The following SLC35F1 variants were observed in gnomAD, a reference collection of about 807,000 sequenced individuals.
The protein encoded by SLC35F1 is solute carrier family 35 member F1, also known as chromosome 6 open reading frame 169.
A neutral mutation model predicts 48.7 loss-of-function variants in SLC35F1; 14 were observed. The observed-to-expected ratio is 0.29, with a 90% CI of 0.19 to 0.45. SLC35F1 has a LOEUF of 0.45. Among genes scored for constraint, SLC35F1 ranks in the 20% least tolerant of loss-of-function variants. SLC35F1 has a pLI of 1.00. For synonymous variants in SLC35F1, 190 were observed against 202.2 expected (o/e 0.94, Z 0.51); for missense variants, 404 against 500.0 (o/e 0.81, Z 1.83).
intron 1 of SLC35F1, among the ~76,000 whole-genome samples, chr6:118,056,802 C>G (rs747349763): frequency 3.9e-5 from 6 of 152,040 alleles, no homozygotes; most frequent in Non-Finnish European, 7.4e-5. Context: ...AATTAATGCC[C>G]CAGGGTAGTA....
chr6:117,956,743 G>C (rs1431639909), intron 1 of SLC35F1, among the ~76,000 whole-genome samples: 1 of 152,208 alleles, frequency 6.6e-6, no homozygotes, highest in Non-Finnish European at 1.5e-5. Context: ...CCAAATGTCA[G>C]TAAGGCCCCT....
At chr6:117,939,328 G>GA (rs35129125) in intron 1 of SLC35F1, among the ~76,000 whole-genome samples, 1 of 152,152 alleles carries the variant, frequency 6.6e-6, no homozygotes, top group Non-Finnish European at 1.5e-5. Flanking sequence ...GTCATTTTGA[G>GA]AAAAAGCAGC....
At chr6:118,178,773 G>A (rs1490167128) in intron 2 of SLC35F1, among the ~76,000 whole-genome samples, 1 of 152,070 alleles carries the variant, frequency 6.6e-6, no homozygotes, top group Non-Finnish European at 1.5e-5. Context: ...GAGTGGGTTT[G>A]TGCACTAAAA....
chr6:118,160,727 C>T (rs1242469898), intron 2 of SLC35F1, among the ~76,000 whole-genome samples: 2 of 152,150 alleles, frequency 1.3e-5, no homozygotes, highest in Non-Finnish European at 2.9e-5. Flanking sequence ...TCCCCTTTCT[C>T]CACCCAGAAT....
chr6:118,278,773 G>A (rs993687115), intron 6 of SLC35F1, among the ~76,000 whole-genome samples: 2 of 152,210 alleles, frequency 1.3e-5, no homozygotes, highest in Non-Finnish European at 2.9e-5. Flanking sequence ...AAAACAAAAT[G>A]TTACCTGTGC....
At chr6:118,110,742 C>A (rs1208701007) in intron 1 of SLC35F1, among the ~76,000 whole-genome samples, 1 of 152,018 alleles carries the variant, frequency 6.6e-6, no homozygotes, top group East Asian at 1.9e-4. Flanking sequence ...TCTTTCTTAG[C>A]TTTAATACTC....
intron 1 of SLC35F1, among the ~76,000 whole-genome samples, chr6:118,103,824 T>C (rs973287070): frequency 1.1e-4 from 16 of 152,198 alleles, no homozygotes; most frequent in Admixed American, 5.2e-4. Context: ...GAAATGTTTT[T>C]TTTTCTGATC....
chr6:118,011,064 C>G (rs751521624), intron 1 of SLC35F1, among the ~76,000 whole-genome samples: 5 of 152,082 alleles, frequency 3.3e-5, no homozygotes, highest in Non-Finnish European at 7.4e-5. Context: ...TCCAATAGTA[C>G]AGTGGTCCCC....
chr6:118,148,878 G>A (rs1443445509), intron 1 of SLC35F1, among the ~76,000 whole-genome samples: 1 of 152,120 alleles, frequency 6.6e-6, no homozygotes, highest in African/African-American at 2.4e-5. Context: ...CTGGCAGATG[G>A]AATACAGTAA....
At chr6:118,161,099 G>C (rs59289305) in intron 2 of SLC35F1, among the ~76,000 whole-genome samples, 1 of 151,734 alleles carries the variant, frequency 6.6e-6, no homozygotes, top group Non-Finnish European at 1.5e-5. Context: ...AAGAAATAGA[G>C]AATTTCATGT....
rs557939417 is a variant in SLC35F1, at chr6:118,149,137, G to C, written c.174-5308G>C. 9.2e-5 allele frequency among the ~76,000 whole-genome samples: 14 copies of C among 152,232 alleles called. No individual in the cohort carries two copies. The South Asian group carries it at 2.9e-3, about 32-fold the overall frequency. Reference sequence around the variant, plus strand: ...AGGAGCTTATGAGCTACACAATATGGTGAGTGCCAATAGTGATAGGGAAAT... The same window carrying C: ...AGGAGCTTATGAGCTACACAATATGCTGAGTGCCAATAGTGATAGGGAAAT... On this transcript the variant is annotated intron_variant, in intron 1 of 7. Transcript: ENST00000360388.
At chr6:118,215,892 T>C (rs1775064994) in intron 2 of SLC35F1, among the ~76,000 whole-genome samples, 1 of 152,154 alleles carries the variant, frequency 6.6e-6, no homozygotes, top group Non-Finnish European at 1.5e-5. Flanking sequence ...CCATCACTCT[T>C]CTATCAAAGG....
chr6:118,029,638 G>C (rs117574334), intron 1 of SLC35F1, among the ~76,000 whole-genome samples: 2,538 of 152,250 alleles, frequency 0.017, 33 homozygotes, highest in South Asian at 0.043. Context: ...GGGGATTACT[G>C]TACAAGAGAA....
intron 2 of SLC35F1, among the ~76,000 whole-genome samples, chr6:118,216,090 T>TTTG (rs1562328194): frequency 5.1e-4 from 77 of 151,284 alleles, no homozygotes; most frequent in African/African-American, 1.7e-3. Flanking sequence ...TTTTTTGTTT[T>TTTG]TTTTTTTTTG....
At chr6:118,069,263 A>G (rs1185047307) in intron 1 of SLC35F1, among the ~76,000 whole-genome samples, 4 of 152,182 alleles carry the variant, frequency 2.6e-5, no homozygotes, top group Admixed American at 2.6e-4. Context: ...TTTCCTCATC[A>G]TATGAAGGTA....
At chr6:117,997,168 G>A (rs1157198142) in intron 1 of SLC35F1, among the ~76,000 whole-genome samples, 1 of 152,090 alleles carries the variant, frequency 6.6e-6, no homozygotes, top group African/African-American at 2.4e-5. Context: ...GGAAGAAAGG[G>A]TATCAGTGAT....
chr6:118,030,514 A>T (rs1772030065), intron 1 of SLC35F1, among the ~76,000 whole-genome samples: 1 of 152,200 alleles, frequency 6.6e-6, no homozygotes, highest in Non-Finnish European at 1.5e-5. Context: ...GAAGATAAGT[A>T]GAGCATACTA....
At chr6:118,022,694 G>T (rs1582623942) in intron 1 of SLC35F1, among the ~76,000 whole-genome samples, 1 of 151,630 alleles carries the variant, frequency 6.6e-6, no homozygotes, top group Non-Finnish European at 1.5e-5. Context: ...CTGAGCACTT[G>T]TCAGGGAATA....
intron 1 of SLC35F1, among the ~76,000 whole-genome samples, chr6:118,020,020 G>A (rs1777373964): frequency 6.6e-6 from 1 of 152,192 alleles, no homozygotes; most frequent in Non-Finnish European, 1.5e-5. Context: ...ATACTCTTCA[G>A]ATAAGTTGCT....
Sources: allele counts gnomAD v4.1 joint callset (sites outside exome capture counted in the v4.1 genomes callset), GRCh38; gene constraint gnomAD v4.1.1; transcripts MANE v1.5; gene names NCBI Gene and HGNC (gene_info 2026-07-23, HGNC 2026-07-21).